OR4K2: variants seen among roughly 807,000 people sequenced by gnomAD.
OR4K2 encodes the protein olfactory receptor 4K2.
Under a neutral mutation model 10.5 loss-of-function variants are expected in OR4K2, and 8 were observed. That is an observed-to-expected ratio of 0.76 (90% CI 0.45 to 1.37). The LOEUF (loss-of-function observed/expected upper bound fraction) is 1.37, where lower values mean the gene tolerates loss of function less well. Ranked by LOEUF, OR4K2 falls within the 40% of genes most tolerant of loss-of-function variation. The pLI, the probability that OR4K2 is intolerant of heterozygous loss-of-function variation, is 0.00. For synonymous variants in OR4K2, 178 were observed against 133.6 expected (o/e 1.33, Z -2.29); for missense variants, 547 against 379.5 (o/e 1.44, Z -3.67).
rs1881066460 is a variant in OR4K2 at position 19,882,699 on chromosome 14, T to C, written c.*5487T>C. The stretch of plus-strand genomic sequence containing the variant: ...TTCAGTTTCATGAATACATATATAC[T>C]CAAATATACATCCATACACACTCAA... On this transcript the variant is annotated 3_prime_UTR_variant, in exon 2 of 2. Coordinates refer to ENST00000641885, the MANE Select transcript of OR4K2 (RefSeq NM_001005501.2). 6.6e-6 allele frequency: 1 copy of C among 152,292 alleles called. No individual in the cohort carries two copies. The highest frequency in any genetic ancestry group is 6.5e-5 in the Admixed American group (1 of 15,286). 9.4% of individuals were successfully genotyped at this position (152,292 alleles called of 1,614,324 possible).
chr14:19,881,343 T>C lies in OR4K2; in HGVS notation c.*4131T>C, dbSNP rs907211630. ...TGGAATTATTTTTAATGCTCTTGGT[T>C]ACACCATGAGGTAAATATGCACAAA... On this transcript the variant is annotated 3_prime_UTR_variant, in exon 2 of 2. Coordinates refer to ENST00000641885, the MANE Select transcript of OR4K2 (RefSeq NM_001005501.2). The C allele has an allele frequency of 6.6e-6, 1 of 152,234 alleles. No homozygotes were observed. Among genetic ancestry groups the C allele is most frequent in the African/African-American group, 2.4e-5 (1 of 41,454 alleles). The allele number at this position is 152,234 out of a possible 1,614,324, so 9.4% of individuals were successfully genotyped here.
chr14:19,876,892 T>C lies in OR4K2; in HGVS notation c.625T>C (p.Ser209Pro), dbSNP rs764478390. ...CTCAACAAGTGGCATAATTGCGTTG[T>C]CCTGTTTTATTGTTTTATTTAATTC... ...MISTSGIIAL[S>P]CFIVLFNSYV... The change falls in exon 2 of 2, where the codon TCC (serine) becomes CCC (proline). Residue 209 changes from serine to proline, a missense_variant. Coordinates refer to ENST00000641885, the MANE Select transcript of OR4K2 (RefSeq NM_001005501.2). 2 of 1,614,212 alleles carry C rather than the reference T, an allele frequency of 1.2e-6. No individual in the cohort carries two copies. Among genetic ancestry groups the C allele is most frequent in the East Asian group, 2.2e-5 (1 of 44,892 alleles).
Position 19,876,907 on chromosome 14 carries a change from T to C in OR4K2, c.640T>C (p.Leu214=). The C allele has an allele frequency of 1.2e-6, 2 of 1,614,240 alleles. No individual in the cohort carries two copies. Among genetic ancestry groups the C allele is most frequent in the Non-Finnish European group, 8.5e-7 (1 of 1,180,018 alleles). The change falls in exon 2 of 2, where the codon TTA becomes CTA. Residue 214 remains leucine, a synonymous_variant. Transcript: ENST00000641885. ...GIIALSCFIV[L]FNSYVIVLVT... ...AATTGCGTTGTCCTGTTTTATTGTT[T>C]TATTTAATTCATATGTTATTGTCCT...
Position 19,881,132 on chromosome 14 carries a change from A to G in OR4K2, c.*3920A>G, listed in dbSNP as rs1881025984. 6.6e-6 allele frequency: 1 copy of G among 152,258 alleles called. No homozygotes were observed. The highest frequency in any genetic ancestry group is 1.5e-5 in the Non-Finnish European group (1 of 68,042). 9.4% of individuals were successfully genotyped at this position (152,258 alleles called of 1,614,324 possible). A position where few individuals can be genotyped will look rare whatever the true frequency, so the allele number is the denominator to read the frequency against. ...GTTGGAGTAATCCTCCTATTTCCCT[A>G]TTCTTTCCCTGATATTATTTTGCAT... On this transcript the variant is annotated 3_prime_UTR_variant, in exon 2 of 2. Coordinates refer to ENST00000641885, the MANE Select transcript of OR4K2 (RefSeq NM_001005501.2).
chr14:19,881,723 G>A lies in OR4K2; in HGVS notation c.*4511G>A, dbSNP rs549081800. On this transcript the variant is annotated 3_prime_UTR_variant, in exon 2 of 2. Coordinates refer to ENST00000641885, the MANE Select transcript of OR4K2 (RefSeq NM_001005501.2). ...CTGTTAATTCGCCTTTTTTCTTTGT[G>A]TTTTAACTGTACTAGGAATCTGAAG... The A allele has an allele frequency of 6.6e-6, 1 of 151,554 alleles. No individual in the cohort carries two copies. Among genetic ancestry groups the A allele is most frequent in the Admixed American group, 6.6e-5 (1 of 15,210 alleles). The allele number at this position is 151,554 out of a possible 1,614,324, so 9.4% of individuals were successfully genotyped here.
Position 19,879,992 on chromosome 14 carries a change from A to G in OR4K2, c.*2780A>G, listed in dbSNP as rs1003687161. The G allele has an allele frequency of 1.3e-5, 2 of 152,286 alleles. No homozygotes were observed. Among genetic ancestry groups the G allele is most frequent in the African/African-American group, 2.4e-5 (1 of 41,472 alleles). The allele number at this position is 152,286 out of a possible 1,614,324, so 9.4% of individuals were successfully genotyped here. A position where few individuals can be genotyped will look rare whatever the true frequency, so the allele number is the denominator to read the frequency against. On this transcript the variant is annotated 3_prime_UTR_variant, in exon 2 of 2. Transcript: ENST00000641885. ...ATGACCTGCAGGTTGCATGCGGCTCAGGAGATGGCTTTAAATTCAGCCCAA... is the reference window on the plus strand; with the variant it reads ...ATGACCTGCAGGTTGCATGCGGCTCGGGAGATGGCTTTAAATTCAGCCCAA...
rs1183938129 is a variant in OR4K2, at chr14:19,882,818, C to CTTTTTTTTTTTTTTT, written c.*5616_*5617insTTTTTTTTTTTTTTT. On this transcript the variant is annotated 3_prime_UTR_variant, in exon 2 of 2. Transcript: ENST00000641885. ...TTCTGTATAATTTATCTTTCTTTTTCTTTTTTTTTTCTTTTTTTTTTTTTT... is the reference window on the plus strand; with the variant it reads ...TTCTGTATAATTTATCTTTCTTTTTCTTTTTTTTTTTTTTTTTTTTTTTTTCTTTTTTTTTTTTTT... The CTTTTTTTTTTTTTTT allele has an allele frequency of 7.0e-6, 1 of 142,104 alleles. No individual in the cohort carries two copies. 8.8% of individuals were successfully genotyped at this position (142,104 alleles called of 1,614,324 possible).
chr14:19,876,144 A>C lies in OR4K2; in HGVS notation c.-24+10A>C, dbSNP rs1880887236. On this transcript the variant is annotated intron_variant, in intron 1 of 1. Coordinates refer to ENST00000641885, the MANE Select transcript of OR4K2 (RefSeq NM_001005501.2). ...GGAAAGAATAGTCAAGGTAAGTTTT[A>C]TGAGAAGATAAAATTTCTGAAAGTA... 2 of 813,304 alleles carry C rather than the reference A, an allele frequency of 2.5e-6. No individual in the cohort carries two copies. Among genetic ancestry groups the C allele is most frequent in the Admixed American group, 2.9e-5 (1 of 34,338 alleles). 50.4% of individuals were successfully genotyped at this position (813,304 alleles called of 1,614,324 possible).
At position 19,876,254 on chromosome 14, in the gene OR4K2, T is replaced by A; in HGVS notation, c.-14T>A. On this transcript the variant is annotated 5_prime_UTR_variant, in exon 2 of 2. Coordinates refer to ENST00000641885, the MANE Select transcript of OR4K2 (RefSeq NM_001005501.2). Reference sequence around the variant, plus strand: ...TTTTTTCGTGATACAGGCTTCTGCCTATGAATCAAGACAATGGATGTGGGC... The same window carrying A: ...TTTTTTCGTGATACAGGCTTCTGCCAATGAATCAAGACAATGGATGTGGGC... The A allele has an allele frequency of 6.5e-6, 7 of 1,081,564 alleles. No homozygotes were observed. The highest frequency in any genetic ancestry group is 1.6e-5 in the African/African-American group (1 of 62,102). The allele number at this position is 1,081,564 out of a possible 1,614,324, so 67.0% of individuals were successfully genotyped here.
Position 19,875,452 on chromosome 14 carries a change from G to T in OR4K2, c.-706G>T, listed in dbSNP as rs1252638150. The T allele has an allele frequency of 6.6e-6, 1 of 152,206 alleles. No homozygotes were observed. Among genetic ancestry groups the T allele is most frequent in the Non-Finnish European group, 1.5e-5 (1 of 68,014 alleles). The allele number at this position is 152,206 out of a possible 1,614,324, so 9.4% of individuals were successfully genotyped here. A position where few individuals can be genotyped will look rare whatever the true frequency, so the allele number is the denominator to read the frequency against. Reference sequence around the variant, plus strand: ...GAATTCAAACAGAGGTGAAATGAAAGAGACTGATCTTTGAGCACTTTCCCA... The same window carrying T: ...GAATTCAAACAGAGGTGAAATGAAATAGACTGATCTTTGAGCACTTTCCCA... On this transcript the variant is annotated 5_prime_UTR_variant, in exon 1 of 2. An upstream open reading frame in the 5' UTR gains an earlier in-frame stop. Transcript: ENST00000641885.
In OR4K2 at chr14:19,876,443, T is replaced by TG. The variant is rs1594426786; in HGVS notation, c.177dup (p.Tyr60ValfsTer11). On this transcript the variant is annotated frameshift_variant, in exon 2 of 2. Coordinates refer to ENST00000641885, the MANE Select transcript of OR4K2 (RefSeq NM_001005501.2). LOFTEE classifies it high-confidence loss of function. ...GTGGACCCTCACCTACACTCTCCTA[T>TG]GTATTTCCTGCTTACCAATCTTTCA... The TG allele has an allele frequency of 3.1e-6, 5 of 1,614,196 alleles. No individual in the cohort carries two copies. In the East Asian group the frequency reaches 1.1e-4, roughly 36 times the overall value.
At position 19,883,215 on chromosome 14, in the gene OR4K2, TA is replaced by T. The variant is rs1222621919; in HGVS notation, c.*6004del. On this transcript the variant is annotated 3_prime_UTR_variant, in exon 2 of 2. Transcript: ENST00000641885. ...GCAAGACAAATGACAGATGATGTTA[TA>T]TTTTTTCATCCAAAAGATCTTGATG... 6.6e-6 allele frequency: 1 copy of T among 152,292 alleles called. No individual in the cohort carries two copies. The highest frequency in any genetic ancestry group is 2.4e-5 in the African/African-American group (1 of 41,474). The allele number at this position is 152,292 out of a possible 1,614,324, so 9.4% of individuals were successfully genotyped here. A position where few individuals can be genotyped will look rare whatever the true frequency, so the allele number is the denominator to read the frequency against.
Position 19,881,784 on chromosome 14 carries a change from A to G in OR4K2, c.*4572A>G, listed in dbSNP as rs1881042063. ...AAGCCAGATTTTTCTCCCTTTGCTC[A>G]CTTGCCACCTGTTAAAGAAAATTTA... On this transcript the variant is annotated 3_prime_UTR_variant, in exon 2 of 2. Transcript: ENST00000641885. 6.6e-6 allele frequency: 1 copy of G among 151,754 alleles called. No homozygotes were observed. Among genetic ancestry groups the G allele is most frequent in the Admixed American group, 6.6e-5 (1 of 15,236 alleles). The allele number at this position is 151,754 out of a possible 1,614,324, so 9.4% of individuals were successfully genotyped here.
rs150472419 is a variant in OR4K2 at position 19,877,149 on chromosome 14, A to G, written c.882A>G (p.Val294=). The G allele has an allele frequency of 6.9e-6, 11 of 1,603,096 alleles. No homozygotes were observed. Among genetic ancestry groups the G allele is most frequent in the South Asian group, 1.1e-5 (1 of 90,796 alleles). Residue 294 remains valine (V), a synonymous_variant, in exon 2 of 2, where the codon GTA becomes GTG. Transcript: ENST00000641885. ...TCTATACTTTGAGGAATCAAGAAGT[A>G]AAGATAGCCATGAGGAAACTGAAAA... is the stretch of plus-strand genomic sequence containing the variant. ...PIIYTLRNQE[V]KIAMRKLKNR...
At position 19,876,616 on chromosome 14, in the gene OR4K2, G is replaced by A. The variant is rs1439919315; in HGVS notation, c.349G>A (p.Ala117Thr). The change falls in exon 2 of 2, where the codon GCC (alanine) becomes ACC (threonine). Residue 117 changes from alanine to threonine, a missense_variant. Physicochemically the swap from Ala to Thr is moderately conservative, Grantham distance 58. Transcript: ENST00000641885. ...TGGAACTGAGATCATCTTACTCATG[G>A]CCATGTCCTTTGATAGGTATATTGC... The part of the protein sequence containing the change: ...FTGTEIILLM[A>T]MSFDRYIAIC... The A allele has an allele frequency of 6.2e-7, 1 of 1,614,004 alleles. No individual in the cohort carries two copies. The highest frequency in any genetic ancestry group is 8.5e-7 in the Non-Finnish European group (1 of 1,180,008).
Position 19,877,415 on chromosome 14 carries a change from A to T in OR4K2, c.*203A>T, listed in dbSNP as rs913220596. ...AAGAAATAAAGACTATAAAAATGTC[A>T]GGAGTGACAGTTCCAGTTAGGACAT... is the stretch of plus-strand genomic sequence containing the variant. On this transcript the variant is annotated 3_prime_UTR_variant, in exon 2 of 2. Coordinates refer to ENST00000641885, the MANE Select transcript of OR4K2 (RefSeq NM_001005501.2). The T allele has an allele frequency of 4.1e-6, 2 of 482,930 alleles. No individual in the cohort carries two copies. The highest frequency in any genetic ancestry group is 7.4e-6 in the Non-Finnish European group (2 of 271,846). The allele number at this position is 482,930 out of a possible 1,614,324, so 29.9% of individuals were successfully genotyped here.
In OR4K2 at chr14:19,882,829, C is replaced by CT. The variant is rs369726984; in HGVS notation, c.*5633dup. On this transcript the variant is annotated 3_prime_UTR_variant, in exon 2 of 2. Transcript: ENST00000641885. The stretch of plus-strand genomic sequence containing the variant: ...TTATCTTTCTTTTTCTTTTTTTTTT[C>CT]TTTTTTTTTTTTTTTTGAGACGGAG... 49,059 of 123,674 alleles carry CT rather than the reference C, an allele frequency of 0.4. 7,867 individuals carry two copies. Among genetic ancestry groups the CT allele is most frequent in the Non-Finnish European group, 0.48 (29,586 of 61,344 alleles). The allele number at this position is 123,674 out of a possible 1,614,324, so 7.7% of individuals were successfully genotyped here. A position where few individuals can be genotyped will look rare whatever the true frequency, so the allele number is the denominator to read the frequency against.
chr14:19,876,356 T>A lies in OR4K2; in HGVS notation c.89T>A (p.Val30Glu). The A allele has an allele frequency of 1.2e-6, 2 of 1,614,088 alleles. No individual in the cohort carries two copies. Among genetic ancestry groups the A allele is most frequent in the Non-Finnish European group, 1.7e-6 (2 of 1,179,968 alleles). Reference protein sequence around the residue: ...SWELQMFFFMVFSLLYVATMV... With the variant: ...SWELQMFFFMEFSLLYVATMV... The stretch of plus-strand genomic sequence containing the variant: ...GAACTACAGATGTTTTTCTTTATGG[T>A]GTTTTCATTGCTTTATGTGGCAACA... The change falls in exon 2 of 2, where the codon GTG becomes GAG. Residue 30 changes from valine to glutamate, a missense_variant. By Grantham distance (121) the Val-to-Glu change is moderately radical. Transcript: ENST00000641885.
rs1448836453 is a variant in OR4K2, at chr14:19,882,606, A to G, written c.*5394A>G. 1 of 152,274 alleles carries G rather than the reference A, an allele frequency of 6.6e-6. No homozygotes were observed. Among genetic ancestry groups the G allele is most frequent in the African/African-American group, 2.4e-5 (1 of 41,448 alleles). 9.4% of individuals were successfully genotyped at this position (152,274 alleles called of 1,614,324 possible). ...ACCCCTGAAGTCCTCAAGTTTGTTC[A>G]TCTCGATGACAACTCTCTCCTCCAA... On this transcript the variant is annotated 3_prime_UTR_variant, in exon 2 of 2. Transcript: ENST00000641885.
Sources: allele counts gnomAD v4.1 joint callset, GRCh38; gene constraint gnomAD v4.1.1; transcripts MANE v1.5; gene names NCBI Gene and HGNC (gene_info 2026-07-23, HGNC 2026-07-21).